The following NLRP1 variants were observed in gnomAD, a reference collection of about 807,000 sequenced individuals.
NLRP1 encodes the protein NLR family pyrin domain containing 1, also known as NACHT, LRR and PYD domains-containing protein 1.
Under a neutral mutation model 136.7 loss-of-function variants are expected in NLRP1, and 94 were observed. The ratio of observed to expected loss-of-function variants is 0.69; its 90% CI spans 0.58 to 0.82. The LOEUF (loss-of-function observed/expected upper bound fraction) is 0.82. Among genes scored for constraint, NLRP1 ranks in the 40% least tolerant of loss-of-function variants. The pLI, the probability that NLRP1 is intolerant of heterozygous loss-of-function variation, is 0.00. For missense variants in NLRP1, 1,575 were observed against 1,802.7 expected (o/e 0.87, Z 2.29); for synonymous variants, 690 against 725.1 (o/e 0.95, Z 0.78).
Position 5,553,370 on chromosome 17 carries a change from C to A in NLRP1, c.2528+16G>T, listed in dbSNP as rs770102340. On this transcript the variant is annotated intron_variant, in intron 5 of 16. Coordinates refer to ENST00000572272, the MANE Select transcript of NLRP1 (RefSeq NM_033004.4). Reference sequence around the variant, plus strand: ...TCCCCATCCCTGCTTCAGAACAGAACCCAGGCCAGACTCACCGCAGGGTCT... The same window carrying A: ...TCCCCATCCCTGCTTCAGAACAGAAACCAGGCCAGACTCACCGCAGGGTCT... 6.2e-7 allele frequency: 1 copy of A among 1,602,962 alleles called. No homozygotes were observed. The highest frequency in any genetic ancestry group is 2.2e-5 in the East Asian group (1 of 44,626).
chr17:5,510,310 C>A (rs978687455), downstream of NLRP1, among the ~76,000 whole-genome samples: 2 of 152,048 alleles, frequency 1.3e-5, no homozygotes, highest in Non-Finnish European at 2.9e-5. Flanking sequence ...CCTCAGCCTC[C>A]AGAGTATCTG....
Position 5,524,709 on chromosome 17 carries a change from C to G in NLRP1, c.3521-2923G>C, listed in dbSNP as rs188316273. Among the ~76,000 whole-genome samples, 154 of 152,320 alleles carry G rather than the reference C, an allele frequency of 1.0e-3. 1 individual carries two copies. Among genetic ancestry groups the G allele is most frequent in the African/African-American group, 3.7e-3 (152 of 41,574 alleles). On this transcript the variant is annotated intron_variant, in intron 12 of 16. Coordinates refer to ENST00000572272, the MANE Select transcript of NLRP1 (RefSeq NM_033004.4). ...GAGGAAAGTGCTTTTTCCAAGGCCA[C>G]ACAACCAGCCATGGTCCTAGGACCA...
intron 5 of NLRP1, among the ~76,000 whole-genome samples, chr17:5,543,312 G>A (rs1288738501): frequency 6.6e-6 from 1 of 152,218 alleles, no homozygotes; most frequent in Non-Finnish European, 1.5e-5. Context: ...ACTTAAATGA[G>A]TGATTCACTG....
chr17:5,532,814 T>G lies in NLRP1; in HGVS notation c.3296+8A>C. The G allele has an allele frequency of 6.3e-7, 1 of 1,588,250 alleles. No individual in the cohort carries two copies. The highest frequency in any genetic ancestry group is 8.6e-7 in the Non-Finnish European group (1 of 1,169,176). ...CCAGCCTGGGACCAGCAGAGCCCCC[T>G]CACTCACCGGTACAAGTTCTTTTCT... On this transcript the variant is annotated splice_region_variant and intron_variant, in intron 11 of 16. Coordinates refer to ENST00000572272, the MANE Select transcript of NLRP1 (RefSeq NM_033004.4).
chr17:5,582,902 C>A lies in NLRP1; in HGVS notation c.272-56G>T, dbSNP rs1489963126. 3.5e-6 allele frequency: 5 copies of A among 1,416,668 alleles called. No individual in the cohort carries two copies. In the Admixed American group the frequency reaches 8.4e-5, roughly 24 times the overall value. 87.8% of individuals were successfully genotyped at this position (1,416,668 alleles called of 1,614,324 possible). On this transcript the variant is annotated intron_variant, in intron 1 of 16. Coordinates refer to ENST00000572272, the MANE Select transcript of NLRP1 (RefSeq NM_033004.4). ...ACATCAGAGGGGCAGGGGCAAGGTGCCAGGGAACTGAGCTGGTCTCCTCTC... is the reference window on the plus strand; with the variant it reads ...ACATCAGAGGGGCAGGGGCAAGGTGACAGGGAACTGAGCTGGTCTCCTCTC...
At position 5,536,873 on chromosome 17, in the gene NLRP1, G is replaced by A. The variant is rs1911143197; in HGVS notation, c.2938C>T (p.Gln980Ter). 6.2e-7 allele frequency: 1 copy of A among 1,613,256 alleles called. No individual in the cohort carries two copies. Among genetic ancestry groups the A allele is most frequent in the African/African-American group, 1.3e-5 (1 of 74,902 alleles). The change falls in exon 8 of 17, where the codon CAG becomes TAG. Residue 980 changes from glutamine to a stop codon, truncating the protein, a stop_gained. Transcript: ENST00000572272. LOFTEE classifies it high-confidence loss of function. ...ELRALEQEKP[Q>*]LLIFSRRKPS... ...TACCGTCTGCTGAAGATGAGCAGCT[G>A]AGGTTTCTCCTGCTCCAGGGCCCTC...
intron 3 of NLRP1, among the ~76,000 whole-genome samples, chr17:5,565,900 A>G (rs1373919735): frequency 1.3e-5 from 2 of 152,092 alleles, no homozygotes; most frequent in Non-Finnish European, 2.9e-5. Context: ...TTCCTAGTTC[A>G]GTCTTGGTAG....
chr17:5,519,341 T>TTG (rs993473693), intron 14 of NLRP1, among the ~76,000 whole-genome samples: 8 of 151,922 alleles, frequency 5.3e-5, no homozygotes, highest in Non-Finnish European at 1.2e-4. Context: ...AGACTGGGTT[T>TTG]TGCCATCTTG....
At chr17:5,547,598 A>G (rs1173193471) in intron 5 of NLRP1, among the ~76,000 whole-genome samples, 1 of 152,176 alleles carries the variant, frequency 6.6e-6, no homozygotes, top group Non-Finnish European at 1.5e-5. Context: ...TGAGATAGTG[A>G]AATTTTATGC....
At chr17:5,516,335 A>G (rs1405916119) in intron 15 of NLRP1, among the ~76,000 whole-genome samples, 2 of 152,212 alleles carry the variant, frequency 1.3e-5, no homozygotes, top group Non-Finnish European at 2.9e-5. Context: ...GAGGGAGGTG[A>G]CTGGATGGCA....
chr17:5,514,989 A>G lies in NLRP1; in HGVS notation c.4187T>C (p.Val1396Ala), dbSNP rs202032721. The change falls in exon 17 of 17, where the codon GTG becomes GCG. Residue 1396 changes from valine (V) to alanine (A), a missense_variant. Coordinates refer to ENST00000572272, the MANE Select transcript of NLRP1 (RefSeq NM_033004.4). ...ATGCAGTTTGTCCAAGACAACCTCC[A>G]CCGATGTCACTCGGGCTATCAGCTG... Reference protein sequence around the residue: ...REQLIARVTSVEVVLDKLHGQ... With the variant: ...REQLIARVTSAEVVLDKLHGQ... 24 of 1,613,980 alleles carry G rather than the reference A, an allele frequency of 1.5e-5. No individual in the cohort carries two copies. Among genetic ancestry groups the G allele is most frequent in the Non-Finnish European group, 1.9e-5 (22 of 1,180,018 alleles).
In NLRP1 at chr17:5,532,743, GCTGA is replaced by G. The variant is rs1359338413; in HGVS notation, c.3296+75_3296+78del. The G allele has an allele frequency of 2.9e-5, 38 of 1,323,158 alleles. No homozygotes were observed. In the South Asian group the frequency reaches 2.9e-4, roughly 10 times the overall value. The allele number at this position is 1,323,158 out of a possible 1,614,324, so 82.0% of individuals were successfully genotyped here. On this transcript the variant is annotated intron_variant, in intron 11 of 16. Coordinates refer to ENST00000572272, the MANE Select transcript of NLRP1 (RefSeq NM_033004.4). The stretch of plus-strand genomic sequence containing the variant: ...GTGTGAGTTGGGGGTAGGGGGTGGC[GCTGA>G]CTGTCTGTGGGGACCCAGGATGGGC...
At chr17:5,570,841 A>G (rs1915791540) in intron 3 of NLRP1, among the ~76,000 whole-genome samples, 2 of 152,180 alleles carry the variant, frequency 1.3e-5, no homozygotes. Flanking sequence ...TCTGTGATGA[A>G]CATAGCTGCA....
chr17:5,573,526 G>T (rs149303182), intron 3 of NLRP1, among the ~76,000 whole-genome samples: 3,513 of 152,274 alleles, frequency 0.023, 65 homozygotes, highest in Admixed American at 0.046. Context: ...TCCTCAGGTG[G>T]GTCCCTGACC....
At chr17:5,576,434 T>C (rs1905026884) in intron 3 of NLRP1, among the ~76,000 whole-genome samples, 1 of 152,000 alleles carries the variant, frequency 6.6e-6, no homozygotes, top group African/African-American at 2.4e-5. Context: ...TAAGAAATGA[T>C]AAAGGGGATA....
chr17:5,527,410 A>G (rs1909696819), intron 12 of NLRP1, among the ~76,000 whole-genome samples: 3 of 152,190 alleles, frequency 2.0e-5, no homozygotes, highest in Admixed American at 2.0e-4. Context: ...CTATCTGGCC[A>G]CAAGGTGAGG....
intron 12 of NLRP1, among the ~76,000 whole-genome samples, chr17:5,528,319 G>A (rs990539879): frequency 6.6e-6 from 1 of 152,170 alleles, no homozygotes; most frequent in Admixed American, 6.6e-5. Context: ...CCAGCTTCTT[G>A]TTTCAGCCAT....
rs1367877468 is a variant in NLRP1, at chr17:5,521,559, G to C, written c.3748C>G (p.Leu1250Val). The C allele has an allele frequency of 6.2e-7, 1 of 1,614,080 alleles. No homozygotes were observed. Among genetic ancestry groups the C allele is most frequent in the Admixed American group, 1.7e-5 (1 of 60,034 alleles). ...GAGCAGTCACTTGGGATCAGGTAGA[G>C]GTGGAAGGTGACTTCCTCAGGATGG... ...RVHPEEVTFH[L>V]YLIPSDCSIR... Residue 1250 changes from leucine to valine, a missense_variant, in exon 13 of 17, where the codon CTC becomes GTC. Coordinates refer to ENST00000572272, the MANE Select transcript of NLRP1 (RefSeq NM_033004.4).
intron 3 of NLRP1, among the ~76,000 whole-genome samples, chr17:5,573,273 G>A (rs1904628232): frequency 6.6e-6 from 1 of 152,202 alleles, no homozygotes; most frequent in African/African-American, 2.4e-5. Context: ...GGGGGGAGGG[G>A]TGCCCACCAT....
Sources: gnomAD v4.1 joint callset for allele counts (sites outside exome capture counted in the v4.1 genomes callset) on GRCh38, gnomAD v4.1.1 for gene constraint, MANE v1.5 for transcripts, NCBI Gene and HGNC (gene_info 2026-07-23, HGNC 2026-07-21) for gene names.